RBMS3: variants seen among roughly 807,000 people sequenced by gnomAD.
RBMS3 encodes the protein RNA-binding motif, single-stranded-interacting protein 3.
In RBMS3, 27 loss-of-function variants were observed where a neutral mutation model predicts 66.8. The observed-to-expected ratio is 0.40, with a 90% confidence interval of 0.30 to 0.56. RBMS3 has a LOEUF of 0.56. Among genes scored for constraint, RBMS3 ranks in the 20% least tolerant of loss-of-function variants. The probability of loss-of-function intolerance (pLI) is 0.40; values close to 1 mark genes in which losing one functional copy is unlikely to be tolerated. For synonymous variants in RBMS3, 188 were observed against 183.0 expected (o/e 1.03, Z -0.22); for missense variants, 513 against 549.5 (o/e 0.93, Z 0.66).
At chr3:29,629,239 T>C (rs1471735206) in intron 4 of RBMS3, among the ~76,000 whole-genome samples, 1 of 152,148 alleles carries the variant, frequency 6.6e-6, no homozygotes, top group Non-Finnish European at 1.5e-5. Flanking sequence ...TGAAAAGTGC[T>C]GAGAATCCAG....
rs1263294338 is a variant in RBMS3, at chr3:30,009,230, C to A, written c.*5368C>A. 3.3e-5 allele frequency: 5 copies of A among 152,074 alleles called. No homozygotes were observed. The highest frequency in any genetic ancestry group is 1.2e-4 in the African/African-American group (5 of 41,416). The allele number at this position is 152,074 out of a possible 1,614,324, so 9.4% of individuals were successfully genotyped here. On this transcript the variant is annotated 3_prime_UTR_variant, in exon 15 of 15. Coordinates refer to ENST00000383767, the MANE Select transcript of RBMS3 (RefSeq NM_001003793.3). The stretch of plus-strand genomic sequence containing the variant: ...TCTCAATTTTTGAAGGGCTAATTAT[C>A]TACTTTGTGGGTGTGTTTTGTTTTT...
At chr3:29,943,867 G>T (rs924104189) in intron 11 of RBMS3, among the ~76,000 whole-genome samples, 1 of 151,472 alleles carries the variant, frequency 6.6e-6, no homozygotes, top group African/African-American at 2.4e-5. Flanking sequence ...CCTCTAAATG[G>T]GCTGCCTTGT....
intron 1 of RBMS3, among the ~76,000 whole-genome samples, chr3:29,324,574 G>A (rs1276389347): frequency 1.3e-5 from 2 of 151,902 alleles, no homozygotes; most frequent in African/African-American, 4.9e-5. Context: ...GGAGTGGGTA[G>A]GATTGTTTGA....
intron 3 of RBMS3, among the ~76,000 whole-genome samples, chr3:29,501,785 A>G (rs2043983910): frequency 6.6e-6 from 1 of 152,168 alleles, no homozygotes; most frequent in South Asian, 2.1e-4. Flanking sequence ...TACTCAAAAA[A>G]GAGGGGAAAG....
intron 1 of RBMS3, among the ~76,000 whole-genome samples, chr3:29,410,967 T>TAA (rs112088181): frequency 0.29 from 39,018 of 135,672 alleles, 5,308 homozygotes; most frequent in South Asian, 0.4. Flanking sequence ...CCTTTCTTCT[T>TAA]AAAAAAAAAA....
intron 3 of RBMS3, among the ~76,000 whole-genome samples, chr3:29,506,113 T>C (rs1371105408): frequency 6.6e-6 from 1 of 151,916 alleles, no homozygotes; most frequent in African/African-American, 2.4e-5. Flanking sequence ...TCCAGTAATA[T>C]GTTCAATAGA....
rs573115913 is a variant in RBMS3 at position 29,751,077 on chromosome 3, A to T, written c.557+11200A>T. ...AAAGCAAAATTTTTTATTATTTGAT[A>T]GGGAAGAGATTTAATACCCAATCAA... On this transcript the variant is annotated intron_variant, in intron 5 of 14. Coordinates refer to ENST00000383767, the MANE Select transcript of RBMS3 (RefSeq NM_001003793.3). Among the ~76,000 whole-genome samples the T allele has an allele frequency of 1.8e-4, 27 of 152,288 alleles. No individual in the cohort carries two copies. In the South Asian group the frequency reaches 5.6e-3, roughly 32 times the overall value.
chr3:29,404,544 T>A (rs1208129443), intron 1 of RBMS3, among the ~76,000 whole-genome samples: 3 of 152,120 alleles, frequency 2.0e-5, no homozygotes, highest in African/African-American at 7.2e-5. Flanking sequence ...TGTAGGATTT[T>A]CCCTTAATTG....
At chr3:29,752,996 G>A (rs953273630) in intron 5 of RBMS3, among the ~76,000 whole-genome samples, 5 of 152,178 alleles carry the variant, frequency 3.3e-5, no homozygotes, top group African/African-American at 1.2e-4. Flanking sequence ...CAAGGGAGAT[G>A]CTCCTACAAA....
At chr3:29,858,547 A>T (rs1246986320) in intron 6 of RBMS3, among the ~76,000 whole-genome samples, 1 of 152,196 alleles carries the variant, frequency 6.6e-6, no homozygotes, top group Non-Finnish European at 1.5e-5. Flanking sequence ...ACCAACTGAT[A>T]TTTCTTGGAA....
At chr3:29,730,735 G>C (rs568289926) in intron 4 of RBMS3, 13 of 380,926 alleles carry the variant, frequency 3.4e-5, no homozygotes, top group African/African-American at 2.8e-4. Context: ...TTACAATATT[G>C]AGTAGTTCTC....
At chr3:29,566,560 C>T (rs1349527464) in intron 3 of RBMS3, among the ~76,000 whole-genome samples, 1 of 151,460 alleles carries the variant, frequency 6.6e-6, no homozygotes, top group Non-Finnish European at 1.5e-5. Context: ...ACTTACCTGT[C>T]CCCAAATATT....
intron 12 of RBMS3, among the ~76,000 whole-genome samples, chr3:29,964,466 C>T (rs1696693139): frequency 6.6e-6 from 1 of 152,134 alleles, no homozygotes; most frequent in African/African-American, 2.4e-5. Context: ...CTGGGACTAT[C>T]CAATATCCCA....
intron 4 of RBMS3, among the ~76,000 whole-genome samples, chr3:29,652,407 G>C (rs2050178752): frequency 6.6e-6 from 1 of 152,012 alleles, no homozygotes; most frequent in Non-Finnish European, 1.5e-5. Flanking sequence ...GTAGAACCTA[G>C]ATAAACACTG....
chr3:29,791,272 C>A (rs1349585866), intron 6 of RBMS3, among the ~76,000 whole-genome samples: 2 of 152,112 alleles, frequency 1.3e-5, no homozygotes, highest in Non-Finnish European at 2.9e-5. Context: ...CATCTTAAAG[C>A]CTTGCAGTCA....
At chr3:29,969,590 A>T (rs1467874929) in intron 12 of RBMS3, among the ~76,000 whole-genome samples, 1 of 152,190 alleles carries the variant, frequency 6.6e-6, no homozygotes, top group Non-Finnish European at 1.5e-5. Flanking sequence ...GGTCATTTCC[A>T]GGTGTCTCTG....
In RBMS3 at chr3:29,395,173, A is replaced by T. The variant is rs149167707; in HGVS notation, c.76-39570A>T. 3.1e-3 allele frequency among the ~76,000 whole-genome samples: 472 copies of T among 152,332 alleles called. 5 individuals carry two copies. Among genetic ancestry groups the T allele is most frequent in the African/African-American group, 0.011 (452 of 41,570 alleles). The stretch of plus-strand genomic sequence containing the variant: ...ATGTGAAAAGCATCAGGAGCCAGTT[A>T]TCAAAGTATCCCTCTCCTCTCCATT... On this transcript the variant is annotated intron_variant, in intron 1 of 14. Coordinates refer to ENST00000383767, the MANE Select transcript of RBMS3 (RefSeq NM_001003793.3).
intron 4 of RBMS3, among the ~76,000 whole-genome samples, chr3:29,593,948 G>T (rs973884152): frequency 6.6e-6 from 1 of 152,152 alleles, no homozygotes; most frequent in Non-Finnish European, 1.5e-5. Context: ...TGGAGATGGT[G>T]GTTAAATAGG....
chr3:29,886,768 A>C (rs962865244), intron 8 of RBMS3, among the ~76,000 whole-genome samples: 1 of 151,804 alleles, frequency 6.6e-6, no homozygotes, highest in Non-Finnish European at 1.5e-5. Flanking sequence ...GGAGCAGGAA[A>C]ATCCTCTTAG....
Sources: allele counts gnomAD v4.1 joint callset (sites outside exome capture counted in the v4.1 genomes callset), GRCh38; gene constraint gnomAD v4.1.1; transcripts MANE v1.5; gene names NCBI Gene and HGNC (gene_info 2026-07-23, HGNC 2026-07-21).